The following C1orf52 variants were observed in gnomAD, a reference collection of about 807,000 sequenced individuals.
C1orf52 encodes UPF0690 protein C1orf52.
C1orf52 carries 5 observed loss-of-function variants against 17.2 expected under a neutral mutation model. The observed-to-expected ratio is 0.29, with a 90% CI of 0.15 to 0.61. The LOEUF (loss-of-function observed/expected upper bound fraction) is 0.61, where lower values mean the gene tolerates loss of function less well. C1orf52 is among the 20% of genes least tolerant of loss of function. The probability of loss-of-function intolerance (pLI) is 0.85; values close to 1 mark genes in which losing one functional copy is unlikely to be tolerated. For synonymous variants in C1orf52, 110 were observed against 88.0 expected (o/e 1.25, Z -1.40); for missense variants, 245 against 234.1 (o/e 1.05, Z -0.30).
chr1:85,258,394 A>G, intron 2 of C1orf52, 130 bp downstream of exon 2: 1 of 879,240 alleles, frequency 1.1e-6, no homozygotes. Flanking sequence ...GCAGAGCAGT[A>G]AGTATCCAAA....
intron 2 of C1orf52, among the ~76,000 whole-genome samples, chr1:85,256,569 G>C (rs1187768612): frequency 6.6e-6 from 1 of 152,226 alleles, no homozygotes; most frequent in East Asian, 1.9e-4. Context: ...GGAGGCCAAG[G>C]CGGGCAGATC....
chr1:85,255,537 G>A (rs570919447), intron 2 of C1orf52, among the ~76,000 whole-genome samples: 9 of 144,768 alleles, frequency 6.2e-5, no homozygotes, highest in African/African-American at 5.2e-5. Context: ...GCGACAGAGC[G>A]AGACTCCATC....
At chr1:85,252,753 A>C in intron 2 of C1orf52, 51 bp from the exon 3 acceptor site, 1 of 1,319,698 alleles carries the variant, frequency 7.6e-7, no homozygotes, top group Non-Finnish European at 1.1e-6. Context: ...AAAACCCAAC[A>C]TGTTAAGCAT....
chr1:85,256,666 G>A (rs1162089358), intron 2 of C1orf52, among the ~76,000 whole-genome samples: 2 of 151,894 alleles, frequency 1.3e-5, no homozygotes, highest in African/African-American at 2.4e-5. Flanking sequence ...GGGTGTGATG[G>A]CAGGCACCTG....
chr1:85,252,437 G>C lies in C1orf52; in HGVS notation c.*192C>G. 4 of 504,712 alleles carry C rather than the reference G, an allele frequency of 7.9e-6. No homozygotes were observed. The highest frequency in any genetic ancestry group is 1.0e-5 in the Non-Finnish European group (3 of 288,158). 31.3% of individuals were successfully genotyped at this position (504,712 alleles called of 1,614,324 possible). On this transcript the variant is annotated 3_prime_UTR_variant, in exon 3 of 3. Coordinates refer to ENST00000471115, the MANE Select transcript of C1orf52 (RefSeq NM_198077.4). Reference sequence around the variant, plus strand: ...ATTTCACAATCACAAGTCACCAGTTGAGTTTTAAATACATACATGTTTTAA... The same window carrying C: ...ATTTCACAATCACAAGTCACCAGTTCAGTTTTAAATACATACATGTTTTAA...
chr1:85,250,546 C>G lies in C1orf52; in HGVS notation c.*2083G>C, dbSNP rs1659776410. 1 of 152,156 alleles carries G rather than the reference C, an allele frequency of 6.6e-6. No individual in the cohort carries two copies. Among genetic ancestry groups the G allele is most frequent in the African/African-American group, 2.4e-5 (1 of 41,404 alleles). 9.4% of individuals were successfully genotyped at this position (152,156 alleles called of 1,614,324 possible). A position where few individuals can be genotyped will look rare whatever the true frequency, so the allele number is the denominator to read the frequency against. On this transcript the variant is annotated 3_prime_UTR_variant, in exon 3 of 3. Coordinates refer to ENST00000471115, the MANE Select transcript of C1orf52 (RefSeq NM_198077.4). ...GTGATATGACAGTCCGTTTTCCAACCAGGAGATACAAATGGCTGAGTCAGA... is the reference window on the plus strand; with the variant it reads ...GTGATATGACAGTCCGTTTTCCAACGAGGAGATACAAATGGCTGAGTCAGA...
intron 1 of C1orf52, 159 bp downstream of exon 1, chr1:85,259,199 G>A: frequency 6.1e-6 from 7 of 1,154,154 alleles, no homozygotes; most frequent in South Asian, 1.5e-5. Context: ...CGGGGAGAGG[G>A]GGCCAGGTTT....
intron 2 of C1orf52, among the ~76,000 whole-genome samples, chr1:85,258,300 C>T (rs1313818146): frequency 6.6e-6 from 1 of 152,146 alleles, no homozygotes; most frequent in East Asian, 1.9e-4. Context: ...AATTTATGAT[C>T]TTTCACTAAA....
At chr1:85,255,968 C>T (rs1659927506) in intron 2 of C1orf52, among the ~76,000 whole-genome samples, 1 of 152,190 alleles carries the variant, frequency 6.6e-6, no homozygotes, top group African/African-American at 2.4e-5. Context: ...AAAAGCTAAG[C>T]TAGAAAAAGA....
intron 1 of C1orf52, 50 bp from the exon 2 acceptor site, chr1:85,258,772 G>A (rs1467059537): frequency 6.6e-7 from 1 of 1,507,402 alleles, no homozygotes; most frequent in Admixed American, 2.1e-5. Flanking sequence ...AGGTTCCTAC[G>A]ATGGACGTGG....
intron 2 of C1orf52, among the ~76,000 whole-genome samples, chr1:85,253,493 G>A (rs1389161074): frequency 1.3e-5 from 2 of 152,050 alleles, no homozygotes; most frequent in African/African-American, 2.4e-5. Context: ...ATTCTAGTAA[G>A]TTCTAATTCC....
In C1orf52 at chr1:85,252,345, CAT is replaced by C. The variant is rs1395117884; in HGVS notation, c.*282_*283del. 2 of 380,506 alleles carry C rather than the reference CAT, an allele frequency of 5.3e-6. No individual in the cohort carries two copies. The highest frequency in any genetic ancestry group is 4.7e-6 in the Non-Finnish European group (1 of 212,118). The allele number at this position is 380,506 out of a possible 1,614,324, so 23.6% of individuals were successfully genotyped here. The stretch of plus-strand genomic sequence containing the variant: ...GTTTATAAGAACATTGGCATGTCAA[CAT>C]GTGACAAAACTCTCAAAGCATGTCA... On this transcript the variant is annotated 3_prime_UTR_variant, in exon 3 of 3. Coordinates refer to ENST00000471115, the MANE Select transcript of C1orf52 (RefSeq NM_198077.4).
At chr1:85,255,326 C>T (rs557647458) in intron 2 of C1orf52, among the ~76,000 whole-genome samples, 9 of 152,084 alleles carry the variant, frequency 5.9e-5, no homozygotes, top group Admixed American at 2.6e-4. Flanking sequence ...CTGAAGCGGG[C>T]GGATCACGAG....
rs1200697372 is a variant in C1orf52, at chr1:85,259,655, A to T, written c.-22T>A. 13 of 1,507,090 alleles carry T rather than the reference A, an allele frequency of 8.6e-6. No individual in the cohort carries two copies. The highest frequency in any genetic ancestry group is 4.2e-4 in the Middle Eastern group (2 of 4,810). The allele number at this position is 1,507,090 out of a possible 1,614,324, so 93.4% of individuals were successfully genotyped here. On this transcript the variant is annotated 5_prime_UTR_variant, in exon 1 of 3. Coordinates refer to ENST00000471115, the MANE Select transcript of C1orf52 (RefSeq NM_198077.4). ...CCATGACGGCTGCGAGCGACAACCC[A>T]GCACTCCGCCGGAAGCCGGAAACCG...
chr1:85,254,497 T>C (rs1203921716), intron 2 of C1orf52, among the ~76,000 whole-genome samples: 1 of 151,782 alleles, frequency 6.6e-6, no homozygotes, highest in African/African-American at 2.4e-5. Context: ...GTTCACGCCA[T>C]TCTCCTGCCT....
At chr1:85,253,803 T>G (rs1215039491) in intron 2 of C1orf52, among the ~76,000 whole-genome samples, 1 of 152,132 alleles carries the variant, frequency 6.6e-6, no homozygotes, top group Non-Finnish European at 1.5e-5. Flanking sequence ...CACAGACTAG[T>G]TGCTAATTCC....
Position 85,259,467 on chromosome 1 carries a change from A to G in C1orf52, c.167T>C (p.Leu56Pro). Residue 56 changes from leucine to proline, a missense_variant, in exon 1 of 3, where the codon CTC becomes CCC. Transcript: ENST00000471115. Reference protein sequence around the residue: ...GGCRNKAEKRLPGPDELFRSV... With the variant: ...GGCRNKAEKRPPGPDELFRSV... ...CCTAAACAGCTCGTCAGGTCCCGGG[A>G]GCCGCTTCTCCGCCTTGTTCCTACA... is the stretch of plus-strand genomic sequence containing the variant. 6.2e-7 allele frequency: 1 copy of G among 1,613,880 alleles called. No individual in the cohort carries two copies.
intron 2 of C1orf52, among the ~76,000 whole-genome samples, chr1:85,256,361 G>C (rs1192204276): frequency 1.3e-5 from 2 of 152,176 alleles, no homozygotes; most frequent in Non-Finnish European, 2.9e-5. Context: ...TTAGAAAACT[G>C]TGTGAAAGTG....
chr1:85,253,705 T>C (rs914900975), intron 2 of C1orf52, among the ~76,000 whole-genome samples: 2 of 152,112 alleles, frequency 1.3e-5, no homozygotes, highest in African/African-American at 4.8e-5. Context: ...TTCCAATTCA[T>C]AAAAATGTTG....
Sources: allele counts gnomAD v4.1 joint callset (sites outside exome capture counted in the v4.1 genomes callset), GRCh38; gene constraint gnomAD v4.1.1; transcripts MANE v1.5; gene names NCBI Gene and HGNC (gene_info 2026-07-23, HGNC 2026-07-21).